Variants in NUDT21 observed in about 807,000 individuals in gnomAD.
The protein encoded by NUDT21 is cleavage and polyadenylation specificity factor subunit 5.
NUDT21 carries 5 observed loss-of-function variants against 29.8 expected under a neutral mutation model. The observed-to-expected ratio is 0.17, with a 90% confidence interval of 0.09 to 0.35. NUDT21 has a LOEUF of 0.35. NUDT21 is among the 10% of genes least tolerant of loss of function. The pLI is 1.00. For missense variants in NUDT21, 76 were observed against 276.0 expected (o/e 0.28, Z 5.13); for synonymous variants, 113 against 98.5 (o/e 1.15, Z -0.87).
chr16:56,438,941 GATA>G (rs1382817206), intron 4 of NUDT21, among the ~76,000 whole-genome samples: 3 of 152,134 alleles, frequency 2.0e-5, no homozygotes, highest in East Asian at 1.9e-4. Flanking sequence ...TTTTTAGTAT[GATA>G]ATAACAGTAC....
intron 4 of NUDT21, among the ~76,000 whole-genome samples, chr16:56,437,932 A>G (rs1420114896): frequency 1.3e-5 from 2 of 152,170 alleles, no homozygotes; most frequent in African/African-American, 4.8e-5. Flanking sequence ...AGTAATACAT[A>G]AGTTTCTTTT....
intron 3 of NUDT21, among the ~76,000 whole-genome samples, chr16:56,441,382 G>A (rs1962157545): frequency 6.6e-6 from 1 of 152,014 alleles, no homozygotes; most frequent in South Asian, 2.1e-4. Flanking sequence ...GACCACAGGT[G>A]CCCGCCACCA....
chr16:56,449,198 T>C (rs1372260181), intron 1 of NUDT21: 3 of 152,224 alleles, frequency 2.0e-5, no homozygotes, highest in Non-Finnish European at 4.4e-5. Context: ...AGGATAGCCA[T>C]TACACATCTC....
At chr16:56,437,782 T>TACCC (rs1962120258) in intron 4 of NUDT21, among the ~76,000 whole-genome samples, 1 of 152,192 alleles carries the variant, frequency 6.6e-6, no homozygotes, top group African/African-American at 2.4e-5. Flanking sequence ...AAACTGCCTG[T>TACCC]ACCCAAGTCT....
chr16:56,448,035 A>G (rs781544086), intron 1 of NUDT21, 46 bp from the exon 2 acceptor site: 1 of 1,527,422 alleles, frequency 6.5e-7, no homozygotes, highest in South Asian at 1.1e-5. Flanking sequence ...GAAGAATGTA[A>G]TTTACCATGA....
chr16:56,445,163 G>A (rs1962204129), intron 3 of NUDT21, among the ~76,000 whole-genome samples: 1 of 151,922 alleles, frequency 6.6e-6, no homozygotes, highest in Non-Finnish European at 1.5e-5. Context: ...CAGCCTGGGT[G>A]ACAAGAGAGA....
intron 3 of NUDT21, among the ~76,000 whole-genome samples, chr16:56,446,284 T>C (rs1195810510): frequency 6.6e-6 from 1 of 152,210 alleles, no homozygotes; most frequent in African/African-American, 2.4e-5. Context: ...ACACTAGCTA[T>C]ATAACAAGAA....
At chr16:56,433,848 C>T (rs1401893457) in intron 6 of NUDT21, among the ~76,000 whole-genome samples, 2 of 151,940 alleles carry the variant, frequency 1.3e-5, no homozygotes, top group Admixed American at 6.6e-5. Flanking sequence ...CACCACGCCT[C>T]ACTAATTTTT....
At chr16:56,448,814 T>C (rs957262946) in intron 1 of NUDT21, among the ~76,000 whole-genome samples, 5 of 152,202 alleles carry the variant, frequency 3.3e-5, no homozygotes, top group Non-Finnish European at 7.3e-5. Flanking sequence ...TGAGTACGAA[T>C]TTAGGCCACA....
In NUDT21 at chr16:56,434,730, A is replaced by G. The variant is rs1225411807; in HGVS notation, c.547+24T>C. 2.1e-6 allele frequency: 3 copies of G among 1,435,442 alleles called. No individual in the cohort carries two copies. The Admixed American group carries it at 5.1e-5, about 24-fold the overall frequency. 88.9% of individuals were successfully genotyped at this position (1,435,442 alleles called of 1,614,324 possible). A position where few individuals can be genotyped will look rare whatever the true frequency, so the allele number is the denominator to read the frequency against. Reference sequence around the variant, plus strand: ...TATTCTACAGAATTTTTAGATGGCTACCTTTGAAAACAAAATAACTTACCT... The same window carrying G: ...TATTCTACAGAATTTTTAGATGGCTGCCTTTGAAAACAAAATAACTTACCT... On this transcript the variant is annotated intron_variant, in intron 5 of 6. Coordinates refer to ENST00000300291, the MANE Select transcript of NUDT21 (RefSeq NM_007006.3).
Position 56,431,984 on chromosome 16 carries a change from A to G in NUDT21, c.*728T>C, listed in dbSNP as rs1165677445. 1 of 152,204 alleles carries G rather than the reference A, an allele frequency of 6.6e-6. No individual in the cohort carries two copies. The highest frequency in any genetic ancestry group is 1.5e-5 in the Non-Finnish European group (1 of 68,028). 9.4% of individuals were successfully genotyped at this position (152,204 alleles called of 1,614,324 possible). ...CCCTATTTTTACCATGGCTTTAAGAATAAGACACATAATTTCGCAACAGCA... is the reference window on the plus strand; with the variant it reads ...CCCTATTTTTACCATGGCTTTAAGAGTAAGACACATAATTTCGCAACAGCA... On this transcript the variant is annotated 3_prime_UTR_variant, in exon 7 of 7. Transcript: ENST00000300291.
Position 56,447,778 on chromosome 16 carries a change from A to G in NUDT21, c.317+11T>C. On this transcript the variant is annotated intron_variant, in intron 2 of 6. Transcript: ENST00000300291. ...AAAACTGTCTTGCTGTTAATTTCCA[A>G]CACTACTTACAGTTTGAAGAAAGTT... 6.2e-7 allele frequency: 1 copy of G among 1,613,348 alleles called. No individual in the cohort carries two copies. The highest frequency in any genetic ancestry group is 1.1e-5 in the South Asian group (1 of 91,030).
intron 3 of NUDT21, among the ~76,000 whole-genome samples, chr16:56,440,159 C>A (rs1962143756): frequency 6.6e-6 from 1 of 152,210 alleles, no homozygotes; most frequent in Non-Finnish European, 1.5e-5. Context: ...TTTTTCCCCT[C>A]ATGTTTTCTT....
In NUDT21 at chr16:56,438,438, AC is replaced by A. The variant is rs558475492; in HGVS notation, c.471+1218del. ...GAAACTAAGAAGTTTGCTAACACAC[AC>A]ACGTGTAAGCTCGGGATCAGATACT... On this transcript the variant is annotated intron_variant, in intron 4 of 6. Transcript: ENST00000300291. Among the ~76,000 whole-genome samples the A allele has an allele frequency of 3.5e-3, 530 of 152,274 alleles. 5 individuals are homozygous for A. The highest frequency in any genetic ancestry group is 0.012 in the African/African-American group (494 of 41,546).
In NUDT21 at chr16:56,432,721, A is replaced by T; in HGVS notation, c.675T>A (p.Ile225=). 5 of 1,609,888 alleles carry T rather than the reference A, an allele frequency of 3.1e-6. No homozygotes were observed. The highest frequency in any genetic ancestry group is 4.2e-6 in the Non-Finnish European group (5 of 1,177,056). ...TCCACTGCGCAGGAATTCAGTTGTA[A>T]ATAAAATTGAACCTGAATTTTAAAA... ...LPQLLSRFNF[I]YN Residue 225 remains isoleucine (I), a synonymous_variant, in exon 7 of 7, where the codon ATT becomes ATA. Coordinates refer to ENST00000300291, the MANE Select transcript of NUDT21 (RefSeq NM_007006.3).
At chr16:56,444,438 G>C (rs1403402576) in intron 3 of NUDT21, among the ~76,000 whole-genome samples, 1 of 151,712 alleles carries the variant, frequency 6.6e-6, no homozygotes, top group African/African-American at 2.4e-5. Context: ...ATAAAAATTA[G>C]CTGGGCATGG....
chr16:56,438,795 G>GA (rs544326063), intron 4 of NUDT21, among the ~76,000 whole-genome samples: 19 of 144,628 alleles, frequency 1.3e-4, no homozygotes, highest in South Asian at 4.4e-4. Flanking sequence ...AAAACACAAG[G>GA]AAAAAAAAAA....
intron 3 of NUDT21, among the ~76,000 whole-genome samples, chr16:56,442,608 T>C (rs756303825): frequency 1.8e-4 from 27 of 152,384 alleles, no homozygotes; most frequent in East Asian, 5.8e-4. Flanking sequence ...CATGATGATA[T>C]GCCTTTGCGT....
chr16:56,437,583 G>A (rs1962117092), intron 4 of NUDT21, among the ~76,000 whole-genome samples: 1 of 152,110 alleles, frequency 6.6e-6, no homozygotes, highest in Non-Finnish European at 1.5e-5. Context: ...GACTCAACAT[G>A]GAAATGCAAG....
Sources: gnomAD v4.1 joint callset for allele counts (sites outside exome capture counted in the v4.1 genomes callset) on GRCh38, gnomAD v4.1.1 for gene constraint, MANE v1.5 for transcripts, NCBI Gene and HGNC (gene_info 2026-07-23, HGNC 2026-07-21) for gene names.